ELAVL4: variants seen among roughly 807,000 people sequenced by gnomAD.
ELAVL4 encodes the protein ELAV like RNA binding protein 4, also known as ELAV-like protein 4.
ELAVL4 carries 1 observed loss-of-function variant against 35.6 expected under a neutral mutation model. That is an observed-to-expected ratio of 0.03 (90% CI 0.01 to 0.13). The LOEUF is 0.13. ELAVL4 is among the 10% of genes least tolerant of loss of function. ELAVL4 has a pLI of 1.00. For synonymous variants in ELAVL4, 156 were observed against 171.0 expected (o/e 0.91, Z 0.69); for missense variants, 267 against 464.9 (o/e 0.57, Z 3.91).
chr1:50,201,367 A>T lies in ELAVL4; in HGVS notation c.*189A>T. 2.1e-6 allele frequency: 1 copy of T among 472,462 alleles called. No homozygotes were observed. Among genetic ancestry groups the T allele is most frequent in the Non-Finnish European group, 3.3e-6 (1 of 303,356 alleles). 29.3% of individuals were successfully genotyped at this position (472,462 alleles called of 1,614,324 possible). A position where few individuals can be genotyped will look rare whatever the true frequency, so the allele number is the denominator to read the frequency against. On this transcript the variant is annotated 3_prime_UTR_variant, in exon 7 of 7. Coordinates refer to ENST00000371824, the MANE Select transcript of ELAVL4 (RefSeq NM_001144774.3). This position sits in a 1 kb window ranked among gnomAD's most constrained non-coding sequence, Gnocchi z 4.3. ...TTATCCTGAGGTGTACCAGGAAAGG[A>T]TTTTATAATGCTTAGAAAAAAAGAA...
At chr1:50,191,248 C>T (rs1226213725) in intron 3 of ELAVL4, among the ~76,000 whole-genome samples, 2 of 152,186 alleles carry the variant, frequency 1.3e-5, no homozygotes, top group Admixed American at 1.3e-4. Flanking sequence ...AGTAGATCCT[C>T]AGGAAATATT....
intron 1 of ELAVL4, among the ~76,000 whole-genome samples, chr1:50,125,249 A>G: frequency 6.6e-6 from 1 of 152,092 alleles, no homozygotes; most frequent in Non-Finnish European, 1.5e-5. Context: ...TTTAAAAAAA[A>G]AAAATAAAAG....
intron 1 of ELAVL4, among the ~76,000 whole-genome samples, chr1:50,118,744 A>T (rs1488955268): frequency 6.6e-6 from 1 of 151,934 alleles, no homozygotes; most frequent in African/African-American, 2.4e-5. Context: ...AATAATACAA[A>T]TTGTCCTGAA....
At chr1:50,163,642 A>G (rs1677200699) in intron 2 of ELAVL4, among the ~76,000 whole-genome samples, 1 of 152,180 alleles carries the variant, frequency 6.6e-6, no homozygotes, top group Admixed American at 6.5e-5. Context: ...CCTGGCCAAC[A>G]TTGCAAAATC....
At chr1:50,165,351 C>T (rs1271436622) in intron 2 of ELAVL4, among the ~76,000 whole-genome samples, 2 of 151,786 alleles carry the variant, frequency 1.3e-5, no homozygotes, top group Non-Finnish European at 2.9e-5. Context: ...TCTGCTCTAA[C>T]ATCATGTTAG....
At chr1:50,177,006 A>T (rs957883921) in intron 2 of ELAVL4, 83 bp from the exon 3 acceptor site, 3 of 1,167,826 alleles carry the variant, frequency 2.6e-6, no homozygotes, top group Non-Finnish European at 3.7e-6. Context: ...CTCTATAAAG[A>T]TACTGAGCAT....
chr1:50,161,563 A>G (rs569686606), intron 2 of ELAVL4, among the ~76,000 whole-genome samples: 2 of 152,350 alleles, frequency 1.3e-5, no homozygotes, highest in Admixed American at 1.3e-4. Context: ...ACAGAAGAAA[A>G]ATCAAGTTCA....
At position 50,202,838 on chromosome 1, in the gene ELAVL4, A is replaced by G. The variant is rs1644440266; in HGVS notation, c.*1660A>G. The G allele has an allele frequency of 6.6e-6, 1 of 152,094 alleles. No homozygotes were observed. Among genetic ancestry groups the G allele is most frequent in the Non-Finnish European group, 1.5e-5 (1 of 67,988 alleles). 9.4% of individuals were successfully genotyped at this position (152,094 alleles called of 1,614,324 possible). ...TAGAACTATTCTTTGATATATTGTC[A>G]TGTTTGTTGTGAATATTTTTTCTTA... is the stretch of plus-strand genomic sequence containing the variant. On this transcript the variant is annotated 3_prime_UTR_variant, in exon 7 of 7. Transcript: ENST00000371824.
intron 1 of ELAVL4, among the ~76,000 whole-genome samples, chr1:50,063,941 G>A (rs1664131211): frequency 6.6e-6 from 1 of 152,118 alleles, no homozygotes; most frequent in Admixed American, 6.5e-5. Flanking sequence ...TCAACTGGAA[G>A]TGACATTTAA....
intron 1 of ELAVL4, among the ~76,000 whole-genome samples, chr1:50,133,195 T>C (rs768768654): frequency 9.9e-5 from 15 of 152,156 alleles, no homozygotes; most frequent in Non-Finnish European, 2.2e-4. Context: ...CTTTTCTGAG[T>C]TTCAGAATGG....
intron 1 of ELAVL4, among the ~76,000 whole-genome samples, chr1:50,132,022 T>C (rs774909044): frequency 9.2e-5 from 14 of 152,056 alleles, no homozygotes; most frequent in Non-Finnish European, 1.6e-4. Flanking sequence ...AGAATATTAG[T>C]GGTTTAATGT....
rs778998324 is a variant in ELAVL4 at position 50,135,049 on chromosome 1, A to G, written c.10-9908A>G. On this transcript the variant is annotated intron_variant, in intron 1 of 6. Coordinates refer to ENST00000371824, the MANE Select transcript of ELAVL4 (RefSeq NM_001144774.3). ...ATTAAATTTTGATTATGCTTTTCATATCCGTGCTGGCCCTGCTATTTTAAG... is the reference window on the plus strand; with the variant it reads ...ATTAAATTTTGATTATGCTTTTCATGTCCGTGCTGGCCCTGCTATTTTAAG... Among the ~76,000 whole-genome samples, 24 of 152,252 alleles carry G rather than the reference A, an allele frequency of 1.6e-4. 1 individual carries two copies. The highest frequency in any genetic ancestry group is 6.8e-3 in the Middle Eastern group (2 of 294).
chr1:50,168,782 T>G (rs1678433421), intron 2 of ELAVL4, among the ~76,000 whole-genome samples: 1 of 151,850 alleles, frequency 6.6e-6, no homozygotes, highest in Non-Finnish European at 1.5e-5. Flanking sequence ...AGAAGTAGAG[T>G]TCTTAGCATT....
upstream of ELAVL4, chr1:50,106,238 A>T: frequency 6.9e-7 from 1 of 1,450,214 alleles, no homozygotes; most frequent in Admixed American, 1.9e-5. Context: ...GGTACAGTCC[A>T]TCTGGACTCT....
At chr1:50,086,049 T>C (rs554606464) in intron 1 of ELAVL4, among the ~76,000 whole-genome samples, 2 of 152,340 alleles carry the variant, frequency 1.3e-5, no homozygotes. Context: ...ATGTGAGTGC[T>C]TTAAGTAGTA....
chr1:50,120,372 AACTTACAAGGCCT>A (rs1331488271), intron 1 of ELAVL4, among the ~76,000 whole-genome samples: 1 of 152,036 alleles, frequency 6.6e-6, no homozygotes, highest in African/African-American at 2.4e-5. Context: ...TAGAGATGGG[AACTTACAAGGCCT>A]ACTTAAGAAA....
chr1:50,148,027 T>C (rs1674048232), intron 2 of ELAVL4, among the ~76,000 whole-genome samples: 1 of 152,234 alleles, frequency 6.6e-6, no homozygotes, highest in Non-Finnish European at 1.5e-5. Context: ...GTCATGGAGT[T>C]AAGTGTTATG....
chr1:50,126,769 T>G (rs1346269785), intron 1 of ELAVL4, among the ~76,000 whole-genome samples: 6 of 152,160 alleles, frequency 3.9e-5, no homozygotes, highest in Admixed American at 3.3e-4. Context: ...ATTAGCAATG[T>G]GTAGACCTGA....
chr1:50,104,076 C>T, upstream of ELAVL4: 1 of 1,550,940 alleles, frequency 6.4e-7, no homozygotes, highest in Non-Finnish European at 8.9e-7. Flanking sequence ...GCTGGATTTG[C>T]CTTAGGGTAA....
Sources: gnomAD v4.1 joint callset for allele counts (sites outside exome capture counted in the v4.1 genomes callset) on GRCh38, gnomAD v4.1.1 for gene constraint, Gnocchi (gnomAD v3.1) non-coding constraint, MANE v1.5 for transcripts, NCBI Gene and HGNC (gene_info 2026-07-23, HGNC 2026-07-21) for gene names.